GOLPH3: variants seen among roughly 807,000 people sequenced by gnomAD.
The protein encoded by GOLPH3 is coat protein GPP34.
GOLPH3 carries 14 observed loss-of-function variants against 28.5 expected under a neutral mutation model. The observed-to-expected ratio is 0.49, with a 90% confidence interval of 0.32 to 0.77. GOLPH3 has a LOEUF of 0.77. Among genes scored for constraint, GOLPH3 ranks in the 30% least tolerant of loss-of-function variants. The pLI, the probability that GOLPH3 is intolerant of heterozygous loss-of-function variation, is 0.03. For missense variants in GOLPH3, 350 were observed against 393.7 expected, an observed-to-expected ratio of 0.89 and a Z score of 0.94; for synonymous variants, 158 against 159.2, an observed-to-expected ratio of 0.99 and a Z score of 0.06.
intron 2 of GOLPH3, among the ~76,000 whole-genome samples, chr5:32,137,003 G>C (rs1379012945): frequency 1.3e-5 from 2 of 151,980 alleles, no homozygotes; most frequent in South Asian, 2.1e-4. Flanking sequence ...CATCACCCAG[G>C]CTGGAGTGCA....
chr5:32,138,357 A>ATG (rs1745982838), intron 2 of GOLPH3, among the ~76,000 whole-genome samples: 1 of 152,150 alleles, frequency 6.6e-6, no homozygotes, highest in Non-Finnish European at 1.5e-5. Context: ...ACCACAGTAC[A>ATG]AGTCACAAAT....
At chr5:32,157,718 T>C (rs1429363452) in intron 1 of GOLPH3, among the ~76,000 whole-genome samples, 1 of 152,176 alleles carries the variant, frequency 6.6e-6, no homozygotes, top group African/African-American at 2.4e-5. Flanking sequence ...GGCTCACGCC[T>C]CTAATCCCAG....
chr5:32,155,098 C>CAAAAA lies in GOLPH3; in HGVS notation c.226-11223_226-11219dup, dbSNP rs55955910. ...TGGGCGACAGAGCAAGACTCTGTCT[C>CAAAAA]AAAAAAAAAAAAAAATTAACGTTCT... On this transcript the variant is annotated intron_variant, in intron 1 of 3. Transcript: ENST00000265070. 8.0e-5 allele frequency among the ~76,000 whole-genome samples: 9 copies of CAAAAA among 112,974 alleles called. 2 individuals carry two copies. Among genetic ancestry groups the CAAAAA allele is most frequent in the Non-Finnish European group, 1.1e-4 (6 of 57,068 alleles). The allele number at this position is 112,974 out of a possible 152,430, so 74.1% of individuals were successfully genotyped here. A position where few individuals can be genotyped will look rare whatever the true frequency, so the allele number is the denominator to read the frequency against.
intron 2 of GOLPH3, among the ~76,000 whole-genome samples, chr5:32,140,446 T>C (rs945445595): frequency 7.3e-5 from 11 of 151,660 alleles, no homozygotes; most frequent in Non-Finnish European, 1.5e-4. Flanking sequence ...GGTCAGGAGT[T>C]CAATACCAGC....
At chr5:32,143,705 A>G in intron 2 of GOLPH3, 44 bp downstream of exon 2, 1 of 1,510,792 alleles carries the variant, frequency 6.6e-7, no homozygotes. Flanking sequence ...CATTTTAAGC[A>G]GTACAACCTC....
chr5:32,173,041 A>G (rs1746878547), intron 1 of GOLPH3, among the ~76,000 whole-genome samples: 1 of 152,186 alleles, frequency 6.6e-6, no homozygotes, highest in Admixed American at 6.5e-5. Flanking sequence ...AGAATTATCT[A>G]TTGCAACTTC....
chr5:32,129,847 C>CT (rs551296288), intron 3 of GOLPH3, among the ~76,000 whole-genome samples: 2,996 of 145,912 alleles, frequency 0.021, 49 homozygotes, highest in South Asian at 0.063. Flanking sequence ...AACTTCCACC[C>CT]TTTTTTTTTT....
chr5:32,132,634 A>C (rs180979247), intron 3 of GOLPH3, among the ~76,000 whole-genome samples: 2 of 152,354 alleles, frequency 1.3e-5, no homozygotes, highest in Admixed American at 1.3e-4. Flanking sequence ...ATATGTCATT[A>C]TTGGTGCAAT....
At chr5:32,146,699 G>A (rs1002824687) in intron 1 of GOLPH3, among the ~76,000 whole-genome samples, 1 of 152,094 alleles carries the variant, frequency 6.6e-6, no homozygotes, top group East Asian at 1.9e-4. Flanking sequence ...GGATATAACC[G>A]GAAGTATAAG....
chr5:32,150,002 A>G (rs1269992976), intron 1 of GOLPH3, among the ~76,000 whole-genome samples: 2 of 152,050 alleles, frequency 1.3e-5, no homozygotes, highest in South Asian at 2.1e-4. Flanking sequence ...AAAAAAAAGT[A>G]GTAAAACTGC....
intron 2 of GOLPH3, among the ~76,000 whole-genome samples, chr5:32,142,255 C>T (rs1301250193): frequency 1.3e-5 from 2 of 151,762 alleles, no homozygotes; most frequent in South Asian, 2.1e-4. Context: ...TCTGCCCTGC[C>T]GCCCCGTCCG....
intron 1 of GOLPH3, among the ~76,000 whole-genome samples, chr5:32,168,766 C>G (rs1052529288): frequency 1.4e-4 from 21 of 152,260 alleles, no homozygotes; most frequent in African/African-American, 5.1e-4. Flanking sequence ...TATGATTGGA[C>G]AAGTCTGGCT....
intron 1 of GOLPH3, among the ~76,000 whole-genome samples, chr5:32,171,268 G>A (rs1193959207): frequency 6.6e-6 from 1 of 151,566 alleles, no homozygotes; most frequent in African/African-American, 2.4e-5. Context: ...ACTAGCAATA[G>A]CTGATGAGCT....
At chr5:32,148,572 C>T (rs903890369) in intron 1 of GOLPH3, among the ~76,000 whole-genome samples, 2 of 152,134 alleles carry the variant, frequency 1.3e-5, no homozygotes, top group Non-Finnish European at 2.9e-5. Flanking sequence ...CCAAGGTGGG[C>T]AGATCACGAT....
chr5:32,142,084 G>A (rs1208985189), intron 2 of GOLPH3, among the ~76,000 whole-genome samples: 4 of 151,518 alleles, frequency 2.6e-5, no homozygotes, highest in African/African-American at 9.7e-5. Context: ...GATGTGAGGA[G>A]CCCCTCTGCC....
chr5:32,148,645 A>G (rs1746231443), intron 1 of GOLPH3, among the ~76,000 whole-genome samples: 1 of 152,156 alleles, frequency 6.6e-6, no homozygotes, highest in African/African-American at 2.4e-5. Context: ...AAAATATAAA[A>G]AATTAGCTGG....
chr5:32,158,109 A>C (rs1000307881), intron 1 of GOLPH3, among the ~76,000 whole-genome samples: 1 of 118,788 alleles, frequency 8.4e-6, no homozygotes, highest in African/African-American at 3.7e-5. Context: ...TAAATAAATA[A>C]ATAAATAAAT....
At chr5:32,166,044 T>TGACAG (rs1746701980) in intron 1 of GOLPH3, among the ~76,000 whole-genome samples, 1 of 152,208 alleles carries the variant, frequency 6.6e-6, no homozygotes, top group Non-Finnish European at 1.5e-5. Context: ...ATGCTTTGAG[T>TGACAG]ATCTAATGAA....
intron 1 of GOLPH3, 198 bp downstream of exon 1, chr5:32,173,612 A>C (rs1352367875): frequency 1.0e-5 from 4 of 389,008 alleles, no homozygotes; most frequent in Admixed American, 4.6e-5. Flanking sequence ...GGGAGGATCC[A>C]GAAAGCACCA....
Sources: gnomAD v4.1 joint callset for allele counts (sites outside exome capture counted in the v4.1 genomes callset) on GRCh38, gnomAD v4.1.1 for gene constraint, MANE v1.5 for transcripts, NCBI Gene and HGNC (gene_info 2026-07-23, HGNC 2026-07-21) for gene names.